Variants in TMEM132B observed in about 807,000 individuals in gnomAD.
TMEM132B encodes the protein transmembrane protein 132B.
TMEM132B carries 18 observed loss-of-function variants against 90.8 expected under a neutral mutation model. That is an observed-to-expected ratio of 0.20 (90% confidence interval 0.14 to 0.29). The LOEUF (loss-of-function observed/expected upper bound fraction) is 0.29, where lower values mean the gene tolerates loss of function less well. Ranked by LOEUF, TMEM132B falls within the 10% of genes least tolerant of loss-of-function variation. The pLI is 1.00. For missense variants in TMEM132B, 1,096 were observed against 1,326.8 expected (o/e 0.83, Z 2.70); for synonymous variants, 504 against 523.3 (o/e 0.96, Z 0.50).
intron 4 of TMEM132B, among the ~76,000 whole-genome samples, chr12:125,573,393 G>A (rs1884852098): frequency 6.6e-6 from 1 of 152,064 alleles, no homozygotes; most frequent in African/African-American, 2.4e-5. Context: ...TGAGAATCCT[G>A]GCTCTCATTA....
chr12:125,252,860 T>C (rs1874347494), intron 1 of TMEM132B, among the ~76,000 whole-genome samples: 1 of 152,148 alleles, frequency 6.6e-6, no homozygotes, highest in African/African-American at 2.4e-5. Flanking sequence ...AAAGCTCAAA[T>C]TGGTCAACAT....
chr12:125,272,671 G>T (rs1874871061), intron 1 of TMEM132B, among the ~76,000 whole-genome samples: 1 of 152,206 alleles, frequency 6.6e-6, no homozygotes, highest in Non-Finnish European at 1.5e-5. Flanking sequence ...ATTCACAATT[G>T]TCTCCATGGC....
chr12:125,644,842 CTCTT>C (rs1886720497), intron 6 of TMEM132B, among the ~76,000 whole-genome samples: 1 of 152,178 alleles, frequency 6.6e-6, no homozygotes, highest in South Asian at 2.1e-4. Context: ...TTTAACCTAT[CTCTT>C]TCTCAGTTTC....
intron 1 of TMEM132B, among the ~76,000 whole-genome samples, chr12:125,262,500 T>G (rs145771339): frequency 6.6e-6 from 1 of 152,280 alleles, no homozygotes; most frequent in East Asian, 1.9e-4. Context: ...GAAACAGGCT[T>G]TTGGAATGGT....
At chr12:125,625,156 T>A (rs57660464) in intron 5 of TMEM132B, among the ~76,000 whole-genome samples, 6 of 133,804 alleles carry the variant, frequency 4.5e-5, no homozygotes, top group Non-Finnish European at 4.7e-5. Flanking sequence ...TTTTTGAGAC[T>A]GAGTCTCGCT....
intron 5 of TMEM132B, among the ~76,000 whole-genome samples, chr12:125,629,520 A>T (rs1886308430): frequency 6.6e-6 from 1 of 151,980 alleles, no homozygotes; most frequent in Non-Finnish European, 1.5e-5. Context: ...TTTGTTCATC[A>T]GTTCTAATAG....
At chr12:125,303,097 T>A (rs963495719) in intron 1 of TMEM132B, among the ~76,000 whole-genome samples, 29 of 147,840 alleles carry the variant, frequency 2.0e-4, no homozygotes, top group African/African-American at 6.7e-4. Context: ...CTCTGCATAT[T>A]AAAAAAAAAA....
chr12:125,547,949 C>T (rs1395302346), intron 4 of TMEM132B, among the ~76,000 whole-genome samples: 2 of 152,206 alleles, frequency 1.3e-5, no homozygotes, highest in African/African-American at 4.8e-5. Context: ...TGCTTTCCTG[C>T]TGCTTTTGAG....
intron 2 of TMEM132B, among the ~76,000 whole-genome samples, chr12:125,401,975 T>C (rs1411901308): frequency 6.6e-6 from 1 of 152,182 alleles, no homozygotes; most frequent in African/African-American, 2.4e-5. Flanking sequence ...TTTCTTCCAG[T>C]TTTCTATAAC....
intron 5 of TMEM132B, among the ~76,000 whole-genome samples, chr12:125,602,591 A>G (rs1885597732): frequency 6.6e-6 from 1 of 152,222 alleles, no homozygotes; most frequent in Non-Finnish European, 1.5e-5. Flanking sequence ...CCTATTTAAC[A>G]TAGTGTTGGA....
chr12:125,215,822 G>A (rs370668406), intron 1 of TMEM132B, among the ~76,000 whole-genome samples: 1 of 152,218 alleles, frequency 6.6e-6, no homozygotes, highest in Non-Finnish European at 1.5e-5. Context: ...TATTACAGGC[G>A]TGAGCCACTG....
intron 3 of TMEM132B, among the ~76,000 whole-genome samples, chr12:125,491,781 A>G (rs1239993469): frequency 6.6e-6 from 1 of 152,196 alleles, no homozygotes; most frequent in African/African-American, 2.4e-5. Flanking sequence ...GATTCCACCC[A>G]GCCGTGCACC....
Position 125,589,236 on chromosome 12 carries a change from A to G in TMEM132B, c.1437+5242A>G, listed in dbSNP as rs1485396531. The stretch of plus-strand genomic sequence containing the variant: ...GGTGGCTCACGCCTGTAATCCCAGC[A>G]CTTTGGGAGGCCAAGGCGGGCAGAT... On this transcript the variant is annotated intron_variant, in intron 5 of 8. Transcript: ENST00000682704. Among the ~76,000 whole-genome samples, 4 of 152,094 alleles carry G rather than the reference A, an allele frequency of 2.6e-5. 1 individual carries two copies. The highest frequency in any genetic ancestry group is 9.7e-5 in the African/African-American group (4 of 41,428).
chr12:125,260,134 A>G (rs976498584), intron 1 of TMEM132B, among the ~76,000 whole-genome samples: 5 of 152,100 alleles, frequency 3.3e-5, no homozygotes, highest in African/African-American at 1.2e-4. Flanking sequence ...GTATGTTGGT[A>G]CCCAGAGACG....
At chr12:125,529,523 C>T (rs188053277) in intron 4 of TMEM132B, among the ~76,000 whole-genome samples, 1 of 152,194 alleles carries the variant, frequency 6.6e-6, no homozygotes, top group Non-Finnish European at 1.5e-5. Flanking sequence ...CTTTCTCTGC[C>T]TTCCCACCTC....
Position 125,415,648 on chromosome 12 carries a change from C to T in TMEM132B, c.1077C>T (p.Cys359=). The change falls in exon 3 of 9, where the codon TGC becomes TGT. Residue 359 remains cysteine, a synonymous_variant. Coordinates refer to ENST00000682704, the MANE Select transcript of TMEM132B (RefSeq NM_001366854.1). The surrounding 1 kb of genome is among the most constrained non-coding windows in gnomAD (Gnocchi z 5.3). The stretch of plus-strand genomic sequence containing the variant: ...CTCAGACGTCGGCCACCCTCACCTG[C>T]ATGGGCCATCGCCCGGACACGCAGA... The part of the protein sequence containing the change: ...GSTQTSATLT[C]MGHRPDTQSR... 6.2e-7 allele frequency: 1 copy of T among 1,614,196 alleles called. No homozygotes were observed. Among genetic ancestry groups the T allele is most frequent in the Non-Finnish European group, 8.5e-7 (1 of 1,180,028 alleles).
intron 2 of TMEM132B, among the ~76,000 whole-genome samples, chr12:125,392,947 G>A (rs148048027): frequency 2.4e-4 from 36 of 152,270 alleles, no homozygotes; most frequent in Non-Finnish European, 4.4e-4. Context: ...TGGGGGCCCC[G>A]TGATCCGATG....
Position 125,213,730 on chromosome 12 carries a change from TAG to T in TMEM132B, c.67+26867_67+26868del, listed in dbSNP as rs1388179645. The stretch of plus-strand genomic sequence containing the variant: ...ATGATCTAGCGTCCCTTGCTCTAGA[TAG>T]AGTGTGATCTCTGTAAGTATAGATC... On this transcript the variant is annotated intron_variant, in intron 1 of 8. Transcript: ENST00000682704. The surrounding 1 kb of genome is among the most constrained non-coding windows in gnomAD (Gnocchi z 4.2). Among the ~76,000 whole-genome samples the T allele has an allele frequency of 6.6e-6, 1 of 152,242 alleles. No homozygotes were observed. The highest frequency in any genetic ancestry group is 1.5e-5 in the Non-Finnish European group (1 of 68,044).
chr12:125,289,024 C>T (rs1370772683), intron 1 of TMEM132B, among the ~76,000 whole-genome samples: 1 of 152,146 alleles, frequency 6.6e-6, no homozygotes, highest in African/African-American at 2.4e-5. Context: ...TTTTCTAAAC[C>T]TTATTGCAAG....
Sources: allele counts gnomAD v4.1 joint callset (sites outside exome capture counted in the v4.1 genomes callset), GRCh38; gene constraint gnomAD v4.1.1; non-coding constraint Gnocchi (gnomAD v3.1); transcripts MANE v1.5; gene names NCBI Gene and HGNC (gene_info 2026-07-23, HGNC 2026-07-21).